DOCK1: variants seen among roughly 807,000 people sequenced by gnomAD.
The protein encoded by DOCK1 is dedicator of cytokinesis protein 1.
DOCK1 carries 138 observed loss-of-function variants against 262.7 expected under a neutral mutation model. The ratio of observed to expected loss-of-function variants is 0.53; its 90% CI spans 0.46 to 0.61. DOCK1 has a LOEUF of 0.61. Ranked by LOEUF, DOCK1 falls within the 20% of genes least tolerant of loss-of-function variation. The pLI, the probability that DOCK1 is intolerant of heterozygous loss-of-function variation, is 0.00. For synonymous variants in DOCK1, 866 were observed against 867.4 expected, an observed-to-expected ratio of 1.00 and a Z score of 0.03; for missense variants, 1,908 against 2,370.7, an observed-to-expected ratio of 0.80 and a Z score of 4.05.
chr10:127,096,383 C>T (rs1320654828), intron 23 of DOCK1, among the ~76,000 whole-genome samples: 1 of 152,080 alleles, frequency 6.6e-6, no homozygotes, highest in African/African-American at 2.4e-5. Context: ...TTGGCTCTTC[C>T]CCAAATCTTC....
At chr10:126,985,106 A>G (rs1815646) in intron 4 of DOCK1, among the ~76,000 whole-genome samples, 147,379 of 151,870 alleles carry the variant, frequency 0.97, 71,541 homozygotes, top group East Asian at 1. Context: ...TCAGCCTCCC[A>G]AGTAGCTGGG....
At position 127,175,412 on chromosome 10, in the gene DOCK1, C is replaced by T. The variant is rs753949881; in HGVS notation, c.2847+47648C>T. The T allele has an allele frequency of 6.2e-5, 100 of 1,613,320 alleles. No individual in the cohort carries two copies. Among genetic ancestry groups the T allele is most frequent in the Non-Finnish European group, 7.5e-5 (88 of 1,180,032 alleles). On this transcript the variant is annotated intron_variant, in intron 27 of 51. Coordinates refer to ENST00000623213, the MANE Select transcript of DOCK1 (RefSeq NM_001290223.2). The surrounding 1 kb of genome is among the most constrained non-coding windows in gnomAD (Gnocchi z 6.3). The stretch of plus-strand genomic sequence containing the variant: ...GACTAGGCTGGTTCCCCAGCCCCGG[C>T]GGGGTGTGAGTCTGCGACGGCTGCT...
chr10:127,425,209 C>T (rs1175860988), intron 46 of DOCK1, among the ~76,000 whole-genome samples: 1 of 152,132 alleles, frequency 6.6e-6, no homozygotes, highest in Admixed American at 6.5e-5. Flanking sequence ...AGACCAGGGA[C>T]AGAAAGGGAG....
At chr10:127,406,669 G>A (rs1352594335) in intron 40 of DOCK1, among the ~76,000 whole-genome samples, 1 of 152,100 alleles carries the variant, frequency 6.6e-6, no homozygotes, top group African/African-American at 2.4e-5. Flanking sequence ...TTGTGCTCAT[G>A]TTGATATTTA....
intron 27 of DOCK1, among the ~76,000 whole-genome samples, chr10:127,190,927 C>A (rs781350281): frequency 6.6e-6 from 1 of 151,972 alleles, no homozygotes; most frequent in Non-Finnish European, 1.5e-5. Context: ...CTAGTTATAC[C>A]GCCTTAATCT....
intron 29 of DOCK1, among the ~76,000 whole-genome samples, chr10:127,270,029 C>A (rs1051889131): frequency 6.6e-6 from 1 of 152,180 alleles, no homozygotes; most frequent in African/African-American, 2.4e-5. Flanking sequence ...CTTCTCCCAC[C>A]CTCAGAGCCA....
Position 127,404,207 on chromosome 10 carries a change from A to T in DOCK1, c.4018-118A>T, listed in dbSNP as rs562852829. The T allele has an allele frequency of 2.0e-4, 138 of 689,108 alleles. No individual in the cohort carries two copies. The South Asian group carries it at 2.5e-3, about 12-fold the overall frequency. 42.7% of individuals were successfully genotyped at this position (689,108 alleles called of 1,614,324 possible). A position where few individuals can be genotyped will look rare whatever the true frequency, so the allele number is the denominator to read the frequency against. On this transcript the variant is annotated intron_variant, in intron 39 of 51. Coordinates refer to ENST00000623213, the MANE Select transcript of DOCK1 (RefSeq NM_001290223.2). ...TCTCCCACCATCTCCCTCTCCCACC[A>T]TCTCCCCCTCCCACCCTATAGAAGT...
intron 25 of DOCK1, among the ~76,000 whole-genome samples, chr10:127,114,759 CTTT>C (rs57979480): frequency 1.8e-4 from 19 of 108,290 alleles, no homozygotes; most frequent in Non-Finnish European, 2.0e-4. Flanking sequence ...TTTTTTCTTT[CTTT>C]TTTTTTTTTT....
intron 23 of DOCK1, among the ~76,000 whole-genome samples, chr10:127,089,575 C>T (rs1473949870): frequency 6.6e-6 from 1 of 152,230 alleles, no homozygotes; most frequent in Non-Finnish European, 1.5e-5. Context: ...GAAAGAGCCT[C>T]CCTCCCCCAG....
intron 27 of DOCK1, among the ~76,000 whole-genome samples, chr10:127,174,540 C>G (rs945508071): frequency 2.0e-5 from 3 of 152,232 alleles, no homozygotes; most frequent in Middle Eastern, 3.4e-3. Context: ...AAGTATTGGC[C>G]GTGAAGTTAG....
intron 46 of DOCK1, among the ~76,000 whole-genome samples, chr10:127,423,837 G>A (rs1424461351): frequency 2.0e-5 from 3 of 152,262 alleles, no homozygotes; most frequent in East Asian, 3.9e-4. Context: ...CATCAGGAGG[G>A]CGTCTTTGTA....
chr10:126,965,880 T>C (rs1232181196), intron 1 of DOCK1, among the ~76,000 whole-genome samples: 1 of 152,182 alleles, frequency 6.6e-6, no homozygotes, highest in Non-Finnish European at 1.5e-5. Flanking sequence ...CATTTCAGTA[T>C]CTTCCTTCCA....
At chr10:127,280,300 C>T (rs1301942097) in intron 29 of DOCK1, among the ~76,000 whole-genome samples, 1 of 152,082 alleles carries the variant, frequency 6.6e-6, no homozygotes, top group Non-Finnish European at 1.5e-5. Flanking sequence ...TCCCAAAGTG[C>T]TGGGATTACA....
At position 126,985,227 on chromosome 10, in the gene DOCK1, C is replaced by T. The variant is rs980923533; in HGVS notation, c.228-2294C>T. On this transcript the variant is annotated intron_variant, in intron 4 of 51. Coordinates refer to ENST00000623213, the MANE Select transcript of DOCK1 (RefSeq NM_001290223.2). ...AACCCCTGACCTCACGTGCTCTACC[C>T]GCTTTAGCCTCCCGAAGTGTTGTGA... Among the ~76,000 whole-genome samples the T allele has an allele frequency of 1.4e-4, 21 of 152,076 alleles. 1 individual carries two copies. Among genetic ancestry groups the T allele is most frequent in the South Asian group, 8.3e-4 (4 of 4,822 alleles).
intron 29 of DOCK1, among the ~76,000 whole-genome samples, chr10:127,258,325 C>T (rs1221595039): frequency 1.3e-5 from 2 of 152,170 alleles, no homozygotes; most frequent in African/African-American, 4.8e-5. Context: ...TAAGCTCTCT[C>T]GACCACTCAT....
chr10:126,950,927 G>C (rs1326174844), intron 1 of DOCK1, among the ~76,000 whole-genome samples: 1 of 152,068 alleles, frequency 6.6e-6, no homozygotes, highest in Non-Finnish European at 1.5e-5. Context: ...ATGGTGGTTG[G>C]TAGTATTGCT....
intron 27 of DOCK1, among the ~76,000 whole-genome samples, chr10:127,245,598 GGTTTTGGCATT>G (rs2059407008): frequency 6.6e-6 from 1 of 152,162 alleles, no homozygotes; most frequent in Non-Finnish European, 1.5e-5. Context: ...GTGTTACAAC[GGTTTTGGCATT>G]TGTTGCCTTG....
At chr10:127,362,398 C>G (rs2064509741) in intron 33 of DOCK1, among the ~76,000 whole-genome samples, 186 bp downstream of exon 33, 1 of 152,216 alleles carries the variant, frequency 6.6e-6, no homozygotes, top group Non-Finnish European at 1.5e-5. Context: ...CCCTTGCACT[C>G]AATTTTTGGG....
chr10:127,308,338 G>C (rs567630065), intron 29 of DOCK1, among the ~76,000 whole-genome samples: 1 of 152,204 alleles, frequency 6.6e-6, no homozygotes, highest in Non-Finnish European at 1.5e-5. Context: ...ACCCACTCTT[G>C]TTTGGACTCA....
Sources: gnomAD v4.1 joint callset for allele counts (sites outside exome capture counted in the v4.1 genomes callset) on GRCh38, gnomAD v4.1.1 for gene constraint, Gnocchi (gnomAD v3.1) non-coding constraint, MANE v1.5 for transcripts, NCBI Gene and HGNC (gene_info 2026-07-23, HGNC 2026-07-21) for gene names.